YJU2: variants seen among roughly 807,000 people sequenced by gnomAD.
The protein encoded by YJU2 is YJU2 splicing factor homolog.
YJU2 carries 28 observed loss-of-function variants against 39.6 expected under a neutral mutation model. The observed-to-expected ratio is 0.71, with a 90% CI of 0.52 to 0.97. The LOEUF is 0.97. YJU2 is among the 50% of genes least tolerant of loss of function. The pLI is 0.00. For synonymous variants in YJU2, 184 were observed against 182.4 expected (o/e 1.01, Z -0.07); for missense variants, 328 against 430.4 (o/e 0.76, Z 2.11).
At chr19:4,250,392 G>A (rs1384163602) in intron 2 of YJU2, among the ~76,000 whole-genome samples, 1 of 152,122 alleles carries the variant, frequency 6.6e-6, no homozygotes, top group South Asian at 2.1e-4. Context: ...ACAGTCTAAT[G>A]GGAAGTGGAG....
chr19:4,257,725 C>T lies in YJU2; in HGVS notation c.406-517C>T, dbSNP rs111931300. ...CTGACCTCAAGTGATCTGTCTGCCT[C>T]GGCCTCCCAAAGTGCTGGGATTACA... On this transcript the variant is annotated intron_variant, in intron 4 of 7. Coordinates refer to ENST00000262962, the MANE Select transcript of YJU2 (RefSeq NM_018074.6). Among the ~76,000 whole-genome samples, 213 of 152,240 alleles carry T rather than the reference C, an allele frequency of 1.4e-3. 2 individuals are homozygous for T. Among genetic ancestry groups the T allele is most frequent in the African/African-American group, 4.8e-3 (198 of 41,560 alleles).
chr19:4,266,974 A>T (rs10422862), intron 6 of YJU2, among the ~76,000 whole-genome samples: 5,115 of 152,124 alleles, frequency 0.034, 287 homozygotes, highest in African/African-American at 0.12. Flanking sequence ...CCCCAAAAAA[A>T]TTTTTTTAAT....
intron 3 of YJU2, among the ~76,000 whole-genome samples, chr19:4,254,001 G>A (rs1304887733): frequency 6.6e-6 from 1 of 152,076 alleles, no homozygotes; most frequent in Admixed American, 6.6e-5. Context: ...GTAGAGACAG[G>A]GTTTCTCCAT....
rs1190947591 is a variant in YJU2 at position 4,267,638 on chromosome 19, G to A, written c.723G>A (p.Lys241=). ...ATCACCTGCAGGCCCCAAAGCCCAA[G>A]AGGAAGGTGGAGGTCTGGGAGCAGA... ...TAILDEAPKP[K]RKVEVWEQSV... is the part of the protein sequence containing the mutation. Residue 241 remains lysine (K), a synonymous_variant, in exon 7 of 8, where the codon AAG becomes AAA. Coordinates refer to ENST00000262962, the MANE Select transcript of YJU2 (RefSeq NM_018074.6). The A allele has an allele frequency of 1.9e-6, 3 of 1,613,098 alleles. No individual in the cohort carries two copies. The highest frequency in any genetic ancestry group is 2.7e-5 in the African/African-American group (2 of 74,928).
At chr19:4,266,832 T>G (rs1238836703) in intron 6 of YJU2, among the ~76,000 whole-genome samples, 1 of 152,104 alleles carries the variant, frequency 6.6e-6, no homozygotes, top group African/African-American at 2.4e-5. Flanking sequence ...ATTAAAAATG[T>G]TAGCCTGCCA....
At chr19:4,260,526 C>T (rs1376238027) in intron 5 of YJU2, among the ~76,000 whole-genome samples, 1 of 150,710 alleles carries the variant, frequency 6.6e-6, no homozygotes, top group Non-Finnish European at 1.5e-5. Flanking sequence ...CACCTGAGGT[C>T]AGGAGTTCGA....
At chr19:4,254,026 T>C (rs533931423) in intron 3 of YJU2, among the ~76,000 whole-genome samples, 1 of 152,266 alleles carries the variant, frequency 6.6e-6, no homozygotes, top group Non-Finnish European at 1.5e-5. Context: ...GCCAGGCTGG[T>C]CTTGAATACC....
intron 1 of YJU2, 23 bp downstream of exon 1, chr19:4,247,193 T>A (rs761946816): frequency 6.2e-7 from 1 of 1,611,406 alleles, no homozygotes; most frequent in East Asian, 2.2e-5. Context: ...CGACTGGGGC[T>A]TTTCAATCGG....
At chr19:4,259,139 G>A (rs1193316150) in intron 5 of YJU2, among the ~76,000 whole-genome samples, 1 of 137,436 alleles carries the variant, frequency 7.3e-6, no homozygotes, top group Non-Finnish European at 1.5e-5. Flanking sequence ...CTGGAGGGCA[G>A]TGGCGCCATC....
chr19:4,259,394 C>G (rs1971053014), intron 5 of YJU2, among the ~76,000 whole-genome samples: 1 of 150,518 alleles, frequency 6.6e-6, no homozygotes, highest in South Asian at 2.1e-4. Context: ...TTTTCTTTTT[C>G]TTTGAGACGG....
intron 5 of YJU2, among the ~76,000 whole-genome samples, chr19:4,261,229 C>T (rs1308026476): frequency 6.6e-6 from 1 of 152,140 alleles, no homozygotes; most frequent in Non-Finnish European, 1.5e-5. Flanking sequence ...TTCTTTGAAG[C>T]TATATCCCCT....
At chr19:4,248,151 G>C (rs1446358842) in intron 1 of YJU2, 2 of 152,266 alleles carry the variant, frequency 1.3e-5, no homozygotes, top group African/African-American at 4.8e-5. Context: ...TTACAGGCGT[G>C]AGCCACCGCG....
At chr19:4,265,582 A>C (rs1395502702) in intron 6 of YJU2, among the ~76,000 whole-genome samples, 1 of 148,544 alleles carries the variant, frequency 6.7e-6, no homozygotes, top group Non-Finnish European at 1.5e-5. Flanking sequence ...AGGTTTGGGA[A>C]CTAACCTAGG....
chr19:4,266,845 G>A (rs1278202214), intron 6 of YJU2, among the ~76,000 whole-genome samples: 5 of 151,464 alleles, frequency 3.3e-5, no homozygotes, highest in Non-Finnish European at 7.4e-5. Context: ...GCCTGCCATG[G>A]TGGCGTGCAC....
Position 4,267,607 on chromosome 19 carries a change from G to A in YJU2, c.709-17G>A. 1 of 1,610,206 alleles carries A rather than the reference G, an allele frequency of 6.2e-7. No homozygotes were observed. ...GGATCCGGGCCAGACCCCCACATGT[G>A]TCCCCATCACCTGCAGGCCCCAAAG... On this transcript the variant is annotated splice_polypyrimidine_tract_variant and intron_variant, in intron 6 of 7. Transcript: ENST00000262962.
At chr19:4,256,249 TAAAA>T (rs1971020587) in intron 4 of YJU2, among the ~76,000 whole-genome samples, 1 of 150,418 alleles carries the variant, frequency 6.6e-6, no homozygotes, top group Non-Finnish European at 1.5e-5. Context: ...CATATATATA[TAAAA>T]CAGATTTTTA....
intron 6 of YJU2, among the ~76,000 whole-genome samples, chr19:4,265,764 T>C (rs1319628949): frequency 1.3e-5 from 2 of 148,590 alleles, no homozygotes; most frequent in Non-Finnish European, 3.0e-5. Flanking sequence ...AGGTTTTGTA[T>C]TTTCTTTTTA....
intron 6 of YJU2, among the ~76,000 whole-genome samples, chr19:4,266,019 T>C (rs1971112732): frequency 6.7e-6 from 1 of 150,080 alleles, no homozygotes; most frequent in African/African-American, 2.5e-5. Flanking sequence ...AGTGGCACGA[T>C]CTCGGCTCAC....
intron 3 of YJU2, among the ~76,000 whole-genome samples, chr19:4,252,456 T>A (rs1970985129): frequency 6.6e-6 from 1 of 151,192 alleles, no homozygotes; most frequent in Non-Finnish European, 1.5e-5. Context: ...AGAAAAAAAT[T>A]AGCCAGGCGT....
Sources: gnomAD v4.1 joint callset for allele counts (sites outside exome capture counted in the v4.1 genomes callset) on GRCh38, gnomAD v4.1.1 for gene constraint, MANE v1.5 for transcripts, NCBI Gene and HGNC (gene_info 2026-07-23, HGNC 2026-07-21) for gene names.